Variants in BICC1 observed in about 807,000 individuals in gnomAD.
The protein encoded by BICC1 is protein bicaudal C homolog 1.
A neutral mutation model predicts 111.0 loss-of-function variants in BICC1; 43 were observed. The observed-to-expected ratio is 0.39, with a 90% CI of 0.30 to 0.50. The LOEUF (loss-of-function observed/expected upper bound fraction) is 0.50, where lower values mean the gene tolerates loss of function less well. BICC1 is among the 20% of genes least tolerant of loss of function. The pLI, the probability that BICC1 is intolerant of heterozygous loss-of-function variation, is 0.88. For synonymous variants in BICC1, 467 were observed against 434.4 expected, an observed-to-expected ratio of 1.07 and a Z score of -0.93; for missense variants, 1,091 against 1,203.2, an observed-to-expected ratio of 0.91 and a Z score of 1.38.
At chr10:58,560,147 GT>G (rs886139092) in intron 1 of BICC1, among the ~76,000 whole-genome samples, 2 of 151,892 alleles carry the variant, frequency 1.3e-5, no homozygotes, top group Admixed American at 6.6e-5. Flanking sequence ...ATAAATGTGA[GT>G]TTTTTTATAA....
chr10:58,640,018 C>T (rs796311911), intron 2 of BICC1, among the ~76,000 whole-genome samples: 62 of 152,026 alleles, frequency 4.1e-4, no homozygotes, highest in African/African-American at 1.2e-3. Context: ...TTATGATTTT[C>T]CCTGAGCCTC....
At chr10:58,718,767 C>T (rs61874130) in intron 3 of BICC1, among the ~76,000 whole-genome samples, 139,112 of 147,432 alleles carry the variant, frequency 0.94, 65,431 homozygotes, top group East Asian at 0.99. Flanking sequence ...TGTGTGTGTG[C>T]GCGCGCGCGT....
intron 2 of BICC1, among the ~76,000 whole-genome samples, chr10:58,656,656 A>G (rs918062997): frequency 2.6e-5 from 4 of 152,198 alleles, no homozygotes; most frequent in African/African-American, 4.8e-5. Context: ...GCAACCCTTC[A>G]TGTATTGTTC....
intron 11 of BICC1, 51 bp downstream of exon 11, chr10:58,798,611 G>A: frequency 7.1e-7 from 1 of 1,411,206 alleles, no homozygotes; most frequent in Non-Finnish European, 9.3e-7. Context: ...GGTGTTACCA[G>A]TTTTTTAAAT....
At chr10:58,606,442 T>TG (rs56072707) in intron 1 of BICC1, among the ~76,000 whole-genome samples, 40,109 of 143,940 alleles carry the variant, frequency 0.28, 6,131 homozygotes, top group East Asian at 0.44. Context: ...GGGATAGCAT[T>TG]GGGAGATATA....
At chr10:58,678,008 C>A (rs1464131275) in intron 2 of BICC1, among the ~76,000 whole-genome samples, 1 of 152,116 alleles carries the variant, frequency 6.6e-6, no homozygotes. Flanking sequence ...ATATTGTCAC[C>A]ACCAGGCCTG....
At chr10:58,632,444 G>C (rs533080211) in intron 2 of BICC1, among the ~76,000 whole-genome samples, 1 of 152,288 alleles carries the variant, frequency 6.6e-6, no homozygotes, top group East Asian at 1.9e-4. Context: ...CAGAGGAGAA[G>C]TGGCACAGAA....
At position 58,830,777 on chromosome 10, in the gene BICC1, A is replaced by T. The variant is rs1844531309; in HGVS notation, c.*1886A>T. On this transcript the variant is annotated 3_prime_UTR_variant, in exon 21 of 21. Coordinates refer to ENST00000373886, the MANE Select transcript of BICC1 (RefSeq NM_001080512.3). ...CACTCCCTTTACTCATCCTGTGCAT[A>T]TGTGTACAAATGGTCATGTGGATCA... 1 of 152,148 alleles carries T rather than the reference A, an allele frequency of 6.6e-6. No homozygotes were observed. Among genetic ancestry groups the T allele is most frequent in the African/African-American group, 2.4e-5 (1 of 41,452 alleles). 9.4% of individuals were successfully genotyped at this position (152,148 alleles called of 1,614,324 possible).
At chr10:58,805,541 T>C (rs1003591254) in intron 15 of BICC1, among the ~76,000 whole-genome samples, 10 of 152,248 alleles carry the variant, frequency 6.6e-5, no homozygotes, top group Non-Finnish European at 1.0e-4. Flanking sequence ...ATCAAAAATA[T>C]TATCTAAAAA....
chr10:58,781,024 C>T (rs1842870122), intron 3 of BICC1, among the ~76,000 whole-genome samples: 1 of 151,872 alleles, frequency 6.6e-6, no homozygotes. Context: ...TATAAAATAC[C>T]CATTTCATAT....
intron 20 of BICC1, among the ~76,000 whole-genome samples, chr10:58,826,646 C>T (rs1194775794): frequency 1.3e-5 from 1 of 76,942 alleles, no homozygotes; most frequent in Non-Finnish European, 3.0e-5. Context: ...GTAGTCCCAG[C>T]TACTCGGGAG....
intron 1 of BICC1, among the ~76,000 whole-genome samples, chr10:58,617,870 G>C (rs1415722738): frequency 6.6e-6 from 1 of 152,270 alleles, no homozygotes; most frequent in African/African-American, 2.4e-5. Context: ...GCCTGCCCCA[G>C]TGCTCCTAAA....
chr10:58,754,406 T>G (rs1224452366), intron 3 of BICC1, among the ~76,000 whole-genome samples: 2 of 152,216 alleles, frequency 1.3e-5, no homozygotes, highest in South Asian at 4.1e-4. Flanking sequence ...AACTGGATAA[T>G]CCAAAAGTTG....
chr10:58,658,232 G>T (rs1382292953), intron 2 of BICC1, among the ~76,000 whole-genome samples: 1 of 152,152 alleles, frequency 6.6e-6, no homozygotes, highest in African/African-American at 2.4e-5. Context: ...CTGTCACCCA[G>T]GCTGGAGTGC....
rs138395144 is a variant in BICC1 at position 58,560,531 on chromosome 10, T to G, written c.190+47198T>G. Among the ~76,000 whole-genome samples the G allele has an allele frequency of 1.4e-3, 220 of 152,184 alleles. 8 individuals are homozygous for G. Among genetic ancestry groups the G allele is most frequent in the East Asian group, 0.012 (64 of 5,184 alleles). The stretch of plus-strand genomic sequence containing the variant: ...CTGTATTTCGATTTCATTGATCTTT[T>G]GTATTTTTTTAGTCTCTATTTTGTT... On this transcript the variant is annotated intron_variant, in intron 1 of 20. Coordinates refer to ENST00000373886, the MANE Select transcript of BICC1 (RefSeq NM_001080512.3).
chr10:58,559,116 G>A (rs560910702), intron 1 of BICC1, among the ~76,000 whole-genome samples: 30 of 150,756 alleles, frequency 2.0e-4, no homozygotes, highest in Middle Eastern at 3.4e-3. Context: ...ACCCCCCCAG[G>A]ACTTTTACTT....
chr10:58,543,394 G>A (rs1843048317), intron 1 of BICC1, among the ~76,000 whole-genome samples: 1 of 152,082 alleles, frequency 6.6e-6, no homozygotes, highest in Non-Finnish European at 1.5e-5. Flanking sequence ...TGGTTATAGA[G>A]TTTTGGTTTT....
intron 1 of BICC1, among the ~76,000 whole-genome samples, chr10:58,521,213 T>A (rs1842378021): frequency 6.6e-6 from 1 of 152,148 alleles, no homozygotes; most frequent in African/African-American, 2.4e-5. Context: ...GGGATTCAGA[T>A]CCTGATTATT....
chr10:58,531,437 A>AGATCTT (rs957682025), intron 1 of BICC1, among the ~76,000 whole-genome samples: 1 of 151,848 alleles, frequency 6.6e-6, no homozygotes, highest in Non-Finnish European at 1.5e-5. Context: ...TGATTGGTGA[A>AGATCTT]GATCTTTTTC....
Sources: gnomAD v4.1 joint callset for allele counts (sites outside exome capture counted in the v4.1 genomes callset) on GRCh38, gnomAD v4.1.1 for gene constraint, MANE v1.5 for transcripts, NCBI Gene and HGNC (gene_info 2026-07-23, HGNC 2026-07-21) for gene names.